SACS: variants seen among roughly 807,000 people sequenced by gnomAD.
SACS encodes the protein sacsin.
Under a neutral mutation model 348.0 loss-of-function variants are expected in SACS, and 197 were observed. That is an observed-to-expected ratio of 0.57 (90% CI 0.50 to 0.64). The LOEUF is 0.64. Among genes scored for constraint, SACS ranks in the 30% least tolerant of loss-of-function variants. The pLI, the probability that SACS is intolerant of heterozygous loss-of-function variation, is 0.00. For synonymous variants in SACS, 1,985 were observed against 1,910.6 expected (o/e 1.04, Z -1.02); for missense variants, 4,999 against 5,360.8 (o/e 0.93, Z 2.11).
In SACS at chr13:23,382,116, G is replaced by A. The variant is rs1429764353; in HGVS notation, c.21-6847C>T. ...CCACTGGAGGGGACACAAAGAAAACGCCAGTTAGAAATAGGTCAGCGGAGG... is the reference window on the plus strand; with the variant it reads ...CCACTGGAGGGGACACAAAGAAAACACCAGTTAGAAATAGGTCAGCGGAGG... On this transcript the variant is annotated intron_variant, in intron 2 of 9. Transcript: ENST00000382292. 3.3e-5 allele frequency among the ~76,000 whole-genome samples: 5 copies of A among 152,202 alleles called. No homozygotes were observed. The East Asian group carries it at 9.6e-4, about 29-fold the overall frequency.
rs372494676 is a variant in SACS at position 23,333,057 on chromosome 13, T to C, written c.10819A>G (p.Ile3607Val). 5.6e-6 allele frequency: 9 copies of C among 1,613,892 alleles called. No homozygotes were observed. The highest frequency in any genetic ancestry group is 5.9e-6 in the Non-Finnish European group (7 of 1,179,904). Residue 3607 changes from isoleucine to valine, a missense_variant, in exon 10 of 10, where the codon ATC (isoleucine) becomes GTC (valine). Ile to Val is a conservative substitution (Grantham distance 29). This residue lies in a region of SACS where 831 missense variants were observed against 941.8 expected (regional missense o/e 0.88). Coordinates refer to ENST00000382292, the MANE Select transcript of SACS (RefSeq NM_014363.6). The part of the protein sequence containing the change: ...QQQLLQFAKE[I>V]SVRANTENWS... The stretch of plus-strand genomic sequence containing the variant: ...TTTTCTGTATTAGCCCTCACACTGA[T>C]TTCCTTAGCAAACTGTAACAACTGC...
Position 23,332,676 on chromosome 13 carries a change from A to C in SACS, c.11200T>G (p.Leu3734Val). ...LGPQEQLEQV[L>V]NMLNVNLDPP... ...TCCAGGTTAACATTAAGCATATTTA[A>C]AACTTGTTCAAGCTGTTCTTGTGGA... is the stretch of plus-strand genomic sequence containing the variant. Residue 3734 changes from leucine to valine, a missense_variant, in exon 10 of 10, where the codon TTA (leucine) becomes GTA (valine). Transcript: ENST00000382292. 6.2e-7 allele frequency: 1 copy of C among 1,613,876 alleles called. No homozygotes were observed. Among genetic ancestry groups the C allele is most frequent in the Non-Finnish European group, 8.5e-7 (1 of 1,179,942 alleles).
chr13:23,368,368 A>G (rs1221736060), intron 5 of SACS, 34 bp downstream of exon 5: 1 of 1,461,916 alleles, frequency 6.8e-7, no homozygotes, highest in African/African-American at 1.4e-5. Flanking sequence ...TTTTTATCAA[A>G]GTAAATAACA....
At chr13:23,420,074 T>C (rs1317879470) in intron 1 of SACS, among the ~76,000 whole-genome samples, 1 of 152,154 alleles carries the variant, frequency 6.6e-6, no homozygotes, top group East Asian at 1.9e-4. Context: ...GGCCCGATAG[T>C]CACCGGGGGA....
At position 23,340,251 on chromosome 13, in the gene SACS, G is replaced by A. The variant is rs945381380; in HGVS notation, c.3625C>T (p.Leu1209=). ...LPLVESIHVN[L]EKALGIFTKP... ...GTGAAGATCCCTAATGCTTTTTCCAGGTTTACATGGATACTTTCAACAAGA... is the reference window on the plus strand; with the variant it reads ...GTGAAGATCCCTAATGCTTTTTCCAAGTTTACATGGATACTTTCAACAAGA... The change falls in exon 10 of 10, where the codon CTG becomes TTG. Residue 1209 remains leucine (L), a synonymous_variant. Transcript: ENST00000382292. 3 of 1,611,566 alleles carry A rather than the reference G, an allele frequency of 1.9e-6. No homozygotes were observed. The highest frequency in any genetic ancestry group is 2.5e-6 in the Non-Finnish European group (3 of 1,178,652).
chr13:23,376,942 G>A lies in SACS; in HGVS notation c.21-1673C>T, dbSNP rs757744897. Among the ~76,000 whole-genome samples the A allele has an allele frequency of 2.6e-5, 4 of 152,298 alleles. No individual in the cohort carries two copies. The South Asian group carries it at 8.3e-4, about 32-fold the overall frequency. ...TGGCACACACCTGGTTTTCTTGTTG[G>A]AAAAACTATAAACTCATCATAGAAT... On this transcript the variant is annotated intron_variant, in intron 2 of 9. Coordinates refer to ENST00000382292, the MANE Select transcript of SACS (RefSeq NM_014363.6).
chr13:23,374,981 C>G, intron 3 of SACS, 138 bp downstream of exon 3: 2 of 833,406 alleles, frequency 2.4e-6, no homozygotes, highest in Middle Eastern at 3.9e-4. Flanking sequence ...AGCCACAACT[C>G]AGGACAAGCA....
At position 23,335,297 on chromosome 13, in the gene SACS, T is replaced by C. The variant is rs201294520; in HGVS notation, c.8579A>G (p.Asn2860Ser). 66 of 1,613,956 alleles carry C rather than the reference T, an allele frequency of 4.1e-5. No homozygotes were observed. In the East Asian group the frequency reaches 1.2e-3, roughly 28 times the overall value. The change falls in exon 10 of 10, where the codon AAC (asparagine) becomes AGC (serine). Residue 2860 changes from asparagine to serine, a missense_variant. By Grantham distance (46) the Asn-to-Ser change is conservative. Transcript: ENST00000382292. The surrounding 1 kb of genome is among the most constrained non-coding windows in gnomAD (Gnocchi z 4.7). The stretch of plus-strand genomic sequence containing the variant: ...GAAGGCCCTATGGGGTTTTTTATAG[T>C]TGTGAGTAATGCAGGCAGCTACTCC... ...RGGVAACITH[N>S]YKKPHRAFCF...
intron 9 of SACS, among the ~76,000 whole-genome samples, chr13:23,351,293 T>C (rs1869940233): frequency 6.6e-6 from 1 of 152,210 alleles, no homozygotes; most frequent in Non-Finnish European, 1.5e-5. Flanking sequence ...TATGACTGGT[T>C]TAAAAAAGTT....
intron 2 of SACS, among the ~76,000 whole-genome samples, chr13:23,385,746 ACTAT>A (rs1488161666): frequency 2.0e-5 from 3 of 152,222 alleles, no homozygotes; most frequent in Non-Finnish European, 4.4e-5. Flanking sequence ...CAGAGGAATC[ACTAT>A]CTATGGCAGC....
At chr13:23,348,724 T>G (rs771531178) in intron 9 of SACS, among the ~76,000 whole-genome samples, 7 of 152,056 alleles carry the variant, frequency 4.6e-5, no homozygotes, top group Non-Finnish European at 8.8e-5. Flanking sequence ...TGAATAAACA[T>G]TAGCTGGGCA....
chr13:23,409,840 A>G (rs1305418785), intron 2 of SACS, among the ~76,000 whole-genome samples: 3 of 152,178 alleles, frequency 2.0e-5, no homozygotes, highest in Admixed American at 6.5e-5. Flanking sequence ...TTTTCTAGCT[A>G]TGAATGGAAT....
Position 23,354,779 on chromosome 13 carries a change from A to G in SACS, c.1833T>C (p.Ala611=), listed in dbSNP as rs780001448. The change falls in exon 8 of 10, where the codon GCT becomes GCC. Residue 611 remains alanine (A), a synonymous_variant. Coordinates refer to ENST00000382292, the MANE Select transcript of SACS (RefSeq NM_014363.6). Reference sequence around the variant, plus strand: ...TGCCAGAGGCAGCTGTGAGCTGAACAGCAGCATCCACATTCCCTGGTACCT... The same window carrying G: ...TGCCAGAGGCAGCTGTGAGCTGAACGGCAGCATCCACATTCCCTGGTACCT... The part of the protein sequence containing the change: ...IAKVPGNVDA[A]VQLTAASGTT... 6.2e-7 allele frequency: 1 copy of G among 1,614,216 alleles called. No homozygotes were observed. Among genetic ancestry groups the G allele is most frequent in the Non-Finnish European group, 8.5e-7 (1 of 1,180,038 alleles).
At chr13:23,364,771 C>T (rs770972331) in intron 6 of SACS, among the ~76,000 whole-genome samples, 2 of 152,176 alleles carry the variant, frequency 1.3e-5, no homozygotes, top group East Asian at 3.8e-4. Flanking sequence ...CACCCAACTT[C>T]CAAACAATGT....
chr13:23,337,230 G>A lies in SACS; in HGVS notation c.6646C>T (p.Leu2216Phe), dbSNP rs1868701380. Residue 2216 changes from leucine (L) to phenylalanine (F), a missense_variant, in exon 10 of 10, where the codon CTT becomes TTT. Leu to Phe is a conservative substitution (Grantham distance 22, BLOSUM62 0). Coordinates refer to ENST00000382292, the MANE Select transcript of SACS (RefSeq NM_014363.6). Reference protein sequence around the residue: ...FAAKYQTIRFLPFLTKPAGFS... With the variant: ...FAAKYQTIRFFPFLTKPAGFS... ...CCTGCTGGTTTTGTCAGAAATGGAA[G>A]GAAGCGGATTGTTTGATATTTTGCA... The A allele has an allele frequency of 6.2e-7, 1 of 1,613,826 alleles. No individual in the cohort carries two copies. The highest frequency in any genetic ancestry group is 8.5e-7 in the Non-Finnish European group (1 of 1,179,908).
chr13:23,362,742 C>T (rs1261372120), intron 6 of SACS, among the ~76,000 whole-genome samples: 5 of 151,780 alleles, frequency 3.3e-5, no homozygotes, highest in African/African-American at 1.2e-4. Context: ...TGCATCACCA[C>T]GCACGGCTAA....
intron 6 of SACS, among the ~76,000 whole-genome samples, chr13:23,362,272 T>A (rs1263233575): frequency 6.6e-6 from 1 of 152,168 alleles, no homozygotes; most frequent in Non-Finnish European, 1.5e-5. Context: ...ATCAGCTGTA[T>A]CCTTGAAATC....
chr13:23,355,156 T>C lies in SACS; in HGVS notation c.1456A>G (p.Arg486Gly). 1.9e-6 allele frequency: 3 copies of C among 1,614,172 alleles called. No individual in the cohort carries two copies. Among genetic ancestry groups the C allele is most frequent in the Non-Finnish European group, 1.7e-6 (2 of 1,180,038 alleles). Reference sequence around the variant, plus strand: ...TCATTCCATAAGGCTGCCGGGTCTCTCCACTGGTCCAGCTCTCTCCATTTT... The same window carrying C: ...TCATTCCATAAGGCTGCCGGGTCTCCCCACTGGTCCAGCTCTCTCCATTTT... The part of the protein sequence containing the change: ...SIKWRELDQW[R>G]DPAALWNEFL... Residue 486 changes from arginine (R) to glycine (G), a missense_variant, in exon 8 of 10, where the codon AGA becomes GGA. Coordinates refer to ENST00000382292, the MANE Select transcript of SACS (RefSeq NM_014363.6).
At chr13:23,387,040 T>G (rs979121688) in intron 2 of SACS, among the ~76,000 whole-genome samples, 3 of 151,740 alleles carry the variant, frequency 2.0e-5, no homozygotes, top group Non-Finnish European at 4.4e-5. Context: ...ACAATGAAAA[T>G]GTTTAAAATA....
Sources: allele counts gnomAD v4.1 joint callset (sites outside exome capture counted in the v4.1 genomes callset), GRCh38; gene constraint gnomAD v4.1.1; regional missense constraint gnomAD v4.1.1; non-coding constraint Gnocchi (gnomAD v3.1); transcripts MANE v1.5; gene names NCBI Gene and HGNC (gene_info 2026-07-23, HGNC 2026-07-21).